NEDD4L: variants seen among roughly 807,000 people sequenced by gnomAD.
The protein encoded by NEDD4L is E3 ubiquitin-protein ligase NEDD4-like.
NEDD4L carries 54 observed loss-of-function variants against 148.9 expected under a neutral mutation model. The observed-to-expected ratio is 0.36, with a 90% CI of 0.29 to 0.45. NEDD4L has a LOEUF of 0.45. NEDD4L is among the 20% of genes least tolerant of loss of function. NEDD4L has a pLI of 1.00. For synonymous variants in NEDD4L, 433 were observed against 440.7 expected (o/e 0.98, Z 0.22); for missense variants, 856 against 1,233.8 (o/e 0.69, Z 4.59).
intron 10 of NEDD4L, among the ~76,000 whole-genome samples, chr18:58,330,522 G>T (rs946987566): frequency 2.6e-5 from 4 of 152,146 alleles, no homozygotes; most frequent in Non-Finnish European, 4.4e-5. Context: ...TGTTACCTTG[G>T]GCAGGTTATT....
At chr18:58,291,151 A>G (rs6566958) in intron 5 of NEDD4L, among the ~76,000 whole-genome samples, 62,377 of 142,562 alleles carry the variant, frequency 0.44, 14,011 homozygotes, top group African/African-American at 0.55. Flanking sequence ...CAGGCCGACC[A>G]GCCCACATGG....
In NEDD4L at chr18:58,124,093, C is replaced by A. The variant is rs181224966; in HGVS notation, c.49-41695C>A. The stretch of plus-strand genomic sequence containing the variant: ...AAGAAGTGACCTGTAGAGACTATAT[C>A]CTGCCCTCTCCAGCGCCTGCCTTCC... On this transcript the variant is annotated intron_variant, in intron 1 of 30. Coordinates refer to ENST00000400345, the MANE Select transcript of NEDD4L (RefSeq NM_001144967.3). Among the ~76,000 whole-genome samples the A allele has an allele frequency of 2.4e-4, 37 of 152,292 alleles. No homozygotes were observed. The East Asian group carries it at 6.9e-3, about 29-fold the overall frequency.
In NEDD4L at chr18:58,373,214, A is replaced by G; in HGVS notation, c.2297A>G (p.Asn766Ser). 1 of 1,579,064 alleles carries G rather than the reference A, an allele frequency of 6.3e-7. No homozygotes were observed. Among genetic ancestry groups the G allele is most frequent in the Non-Finnish European group, 8.6e-7 (1 of 1,159,650 alleles). Residue 766 changes from asparagine to serine, a missense_variant, in exon 24 of 31, where the codon AAT becomes AGT. Physicochemically the swap from Asn to Ser is conservative, Grantham distance 46. This residue lies in a region of NEDD4L where 286 missense variants were observed against 531.8 expected (regional missense o/e 0.54). Transcript: ENST00000400345. ...AACTCTTTGAAATGGATCCTGGAGA[A>G]TGACCCTACTGAGCTGGACCTCATG... ...YYNSLKWILE[N>S]DPTELDLMFC...
chr18:58,288,315 T>C (rs2054221823), intron 5 of NEDD4L, among the ~76,000 whole-genome samples: 2 of 152,250 alleles, frequency 1.3e-5, no homozygotes, highest in South Asian at 4.1e-4. Flanking sequence ...CCTAGAAACA[T>C]GCATAAGTAA....
At chr18:58,109,355 A>T (rs2145630772) in intron 1 of NEDD4L, among the ~76,000 whole-genome samples, 1 of 152,354 alleles carries the variant, frequency 6.6e-6, no homozygotes, top group East Asian at 1.9e-4. Context: ...ACTTGCATTA[A>T]CATTTGAATT....
intron 23 of NEDD4L, chr18:58,371,472 G>T (rs971639590): frequency 6.6e-6 from 1 of 152,048 alleles, no homozygotes; most frequent in African/African-American, 2.4e-5. Flanking sequence ...TTGCCCACAC[G>T]CCAGCACACA....
rs532193664 is a variant in NEDD4L, at chr18:58,343,853, T to C, written c.1575+750T>C. ...GCTTTTTCAGTGTAGTATATGATTCTTTTAAAAGTCAGTTGGTATTTTCCT... is the reference window on the plus strand; with the variant it reads ...GCTTTTTCAGTGTAGTATATGATTCCTTTAAAAGTCAGTTGGTATTTTCCT... On this transcript the variant is annotated intron_variant, in intron 16 of 30. Coordinates refer to ENST00000400345, the MANE Select transcript of NEDD4L (RefSeq NM_001144967.3). 4.6e-5 allele frequency among the ~76,000 whole-genome samples: 7 copies of C among 152,384 alleles called. No homozygotes were observed. In the East Asian group the frequency reaches 1.3e-3, roughly 29 times the overall value.
chr18:58,055,485 A>G (rs1228577425), intron 1 of NEDD4L, among the ~76,000 whole-genome samples: 2 of 152,202 alleles, frequency 1.3e-5, no homozygotes, highest in African/African-American at 4.8e-5. Context: ...AAAATCCCTG[A>G]AAGGCATGTA....
intron 5 of NEDD4L, among the ~76,000 whole-genome samples, chr18:58,310,107 G>A (rs1403010367): frequency 6.6e-6 from 1 of 152,172 alleles, no homozygotes; most frequent in Non-Finnish European, 1.5e-5. Context: ...AGTAATAAGT[G>A]TTCCTCAAAA....
chr18:58,143,430 AG>A (rs1247846402), intron 1 of NEDD4L, among the ~76,000 whole-genome samples: 1 of 152,340 alleles, frequency 6.6e-6, no homozygotes, highest in African/African-American at 2.4e-5. Flanking sequence ...TATCTTTGAA[AG>A]GGGGCCATTT....
intron 1 of NEDD4L, among the ~76,000 whole-genome samples, chr18:58,053,466 G>A (rs1471837123): frequency 9.2e-5 from 14 of 152,012 alleles, no homozygotes; most frequent in Non-Finnish European, 1.5e-4. Flanking sequence ...CCACCACCAC[G>A]CCCGGCTAAT....
rs111754461 is a variant in NEDD4L at position 58,084,653 on chromosome 18, C to T, written c.48+39945C>T. Among the ~76,000 whole-genome samples, 837 of 144,544 alleles carry T rather than the reference C, an allele frequency of 5.8e-3. 9 individuals are homozygous for T. The highest frequency in any genetic ancestry group is 0.02 in the African/African-American group (787 of 39,176). 94.8% of individuals were successfully genotyped at this position (144,544 alleles called of 152,430 possible). A position where few individuals can be genotyped will look rare whatever the true frequency, so the allele number is the denominator to read the frequency against. On this transcript the variant is annotated intron_variant, in intron 1 of 30. Coordinates refer to ENST00000400345, the MANE Select transcript of NEDD4L (RefSeq NM_001144967.3). ...AGATGGCCACCTGGCCACCTTCTCA[C>T]TATATCTTGTGGGGTTTTTGTGTGT... is the stretch of plus-strand genomic sequence containing the variant.
rs1477220955 is a variant in NEDD4L, at chr18:58,076,145, T to C, written c.48+31437T>C. On this transcript the variant is annotated intron_variant, in intron 1 of 30. Coordinates refer to ENST00000400345, the MANE Select transcript of NEDD4L (RefSeq NM_001144967.3). ...CTCAGTGAAAATGTTGCTGTTTGCT[T>C]TTTTTGTGGTCAGGATTTTTTGATT... 6.6e-5 allele frequency among the ~76,000 whole-genome samples: 10 copies of C among 152,300 alleles called. No individual in the cohort carries two copies. In the South Asian group the frequency reaches 1.2e-3, roughly 19 times the overall value.
intron 5 of NEDD4L, among the ~76,000 whole-genome samples, chr18:58,303,419 T>G (rs1258290583): frequency 6.6e-6 from 1 of 152,206 alleles, no homozygotes; most frequent in Non-Finnish European, 1.5e-5. Context: ...CTGGCTTTGA[T>G]GCTAGCCCCA....
intron 5 of NEDD4L, among the ~76,000 whole-genome samples, chr18:58,259,914 C>G (rs900015138): frequency 2.0e-5 from 3 of 152,176 alleles, no homozygotes; most frequent in African/African-American, 7.2e-5. Flanking sequence ...TATCCAAATT[C>G]TTTTCATTTG....
chr18:58,074,552 C>T (rs373252353), intron 1 of NEDD4L, among the ~76,000 whole-genome samples: 2 of 150,346 alleles, frequency 1.3e-5, no homozygotes, highest in African/African-American at 2.5e-5. Context: ...GGATTACAGG[C>T]GTGAGGCAGT....
At chr18:58,090,611 G>A (rs941016605) in intron 1 of NEDD4L, among the ~76,000 whole-genome samples, 1 of 152,192 alleles carries the variant, frequency 6.6e-6, no homozygotes, top group Non-Finnish European at 1.5e-5. Context: ...CCAAATAGCT[G>A]GGACTGCAGG....
chr18:58,341,633 G>C lies in NEDD4L; in HGVS notation c.1258-45G>C, dbSNP rs1173688155. On this transcript the variant is annotated intron_variant, in intron 14 of 30. Transcript: ENST00000400345. ...GTTCGCGCTCCTAATCACACACACC[G>C]GGAGATCCTCCTATGAAGCTAACTT... 6.9e-6 allele frequency: 11 copies of C among 1,586,228 alleles called. No homozygotes were observed. In the East Asian group the frequency reaches 2.3e-4, roughly 33 times the overall value.
chr18:58,083,575 C>A (rs2083580446), intron 1 of NEDD4L, among the ~76,000 whole-genome samples: 1 of 152,086 alleles, frequency 6.6e-6, no homozygotes, highest in South Asian at 2.1e-4. Flanking sequence ...GTAGTTCCAG[C>A]TACTCAGGAG....
Sources: gnomAD v4.1 joint callset for allele counts (sites outside exome capture counted in the v4.1 genomes callset) on GRCh38, gnomAD v4.1.1 for gene constraint, gnomAD v4.1.1 regional missense constraint, MANE v1.5 for transcripts, NCBI Gene and HGNC (gene_info 2026-07-23, HGNC 2026-07-21) for gene names.